Variants in ARHGEF7 observed in about 807,000 individuals in gnomAD.
ARHGEF7 encodes PAK-interacting exchange factor beta.
ARHGEF7 carries 33 observed loss-of-function variants against 109.8 expected under a neutral mutation model. The ratio of observed to expected loss-of-function variants is 0.30; its 90% CI spans 0.23 to 0.40. ARHGEF7 has a LOEUF of 0.40. Ranked by LOEUF, ARHGEF7 falls within the 10% of genes least tolerant of loss-of-function variation. The probability of loss-of-function intolerance (pLI) is 1.00; values close to 1 mark genes in which losing one functional copy is unlikely to be tolerated. For missense variants in ARHGEF7, 938 were observed against 1,098.5 expected (o/e 0.85, Z 2.07); for synonymous variants, 458 against 424.6 (o/e 1.08, Z -0.97).
At chr13:111,144,531 T>C (rs980747248) in intron 1 of ARHGEF7, 2 of 152,250 alleles carry the variant, frequency 1.3e-5, no homozygotes, top group Non-Finnish European at 2.9e-5. Context: ...GACTGTGGAA[T>C]GAGCCAGAGT....
chr13:111,196,187 T>G (rs1471436343), intron 2 of ARHGEF7, among the ~76,000 whole-genome samples: 1 of 152,196 alleles, frequency 6.6e-6, no homozygotes, highest in East Asian at 1.9e-4. Context: ...TAATGGGCTT[T>G]TTCCTAACTC....
chr13:111,236,098 A>G (rs562318657), intron 6 of ARHGEF7, among the ~76,000 whole-genome samples: 1 of 152,376 alleles, frequency 6.6e-6, no homozygotes. Flanking sequence ...ACTGGAAAGT[A>G]AAACTCGTAG....
chr13:111,195,462 A>G (rs1175229589), intron 2 of ARHGEF7, among the ~76,000 whole-genome samples: 1 of 152,220 alleles, frequency 6.6e-6, no homozygotes, highest in East Asian at 1.9e-4. Flanking sequence ...CTCGGATGGT[A>G]ACAGACCTTG....
intron 2 of ARHGEF7, among the ~76,000 whole-genome samples, chr13:111,193,849 C>T (rs2153450186): frequency 6.6e-6 from 1 of 152,310 alleles, no homozygotes; most frequent in Middle Eastern, 3.4e-3. Flanking sequence ...AATTTGTTGG[C>T]AGTCATGCTC....
At chr13:111,116,014 G>T (rs976619263) in intron 1 of ARHGEF7, among the ~76,000 whole-genome samples, 1 of 152,052 alleles carries the variant, frequency 6.6e-6, no homozygotes, top group Non-Finnish European at 1.5e-5. Flanking sequence ...TCCGCGTGGG[G>T]GGCCGGCCCC....
chr13:111,297,690 T>C (rs79513159), intron 19 of ARHGEF7, among the ~76,000 whole-genome samples: 3,661 of 152,352 alleles, frequency 0.024, 149 homozygotes, highest in African/African-American at 0.085. Context: ...AGGGGCGTCC[T>C]GGTTCTGGCT....
At chr13:111,203,714 CTTTA>C (rs1033553665) in intron 2 of ARHGEF7, among the ~76,000 whole-genome samples, 3 of 152,148 alleles carry the variant, frequency 2.0e-5, no homozygotes, top group African/African-American at 7.2e-5. Context: ...TCTGGTTCTT[CTTTA>C]TTTATGTTTA....
rs563158641 is a variant in ARHGEF7 at position 111,249,993 on chromosome 13, T to A, written c.950+5699T>A. Among the ~76,000 whole-genome samples, 55 of 152,340 alleles carry A rather than the reference T, an allele frequency of 3.6e-4. 1 individual carries two copies. The highest frequency in any genetic ancestry group is 1.3e-3 in the African/African-American group (52 of 41,584). ...GCTACTTTTGAGTGCCTCTAGGCAG[T>A]TACTTTCTATATGTTTTTTAAAGTT... On this transcript the variant is annotated intron_variant, in intron 8 of 21. Coordinates refer to ENST00000646102, the MANE Select transcript of ARHGEF7 (RefSeq NM_001354046.2).
At chr13:111,264,713 TTTTTACA>T (rs1350465670) in intron 8 of ARHGEF7, among the ~76,000 whole-genome samples, 6 of 152,234 alleles carry the variant, frequency 3.9e-5, no homozygotes, top group Non-Finnish European at 8.8e-5. Flanking sequence ...CGTTGGCCTT[TTTTTACA>T]CAGCACAGGG....
At chr13:111,158,012 G>A (rs1447076507) in intron 2 of ARHGEF7, among the ~76,000 whole-genome samples, 1 of 152,168 alleles carries the variant, frequency 6.6e-6, no homozygotes, top group Non-Finnish European at 1.5e-5. Flanking sequence ...TTCAAGAGCT[G>A]AAAGTTAAGG....
At chr13:111,302,611 C>T (rs997854702) in intron 21 of ARHGEF7, among the ~76,000 whole-genome samples, 3 of 152,218 alleles carry the variant, frequency 2.0e-5, no homozygotes, top group African/African-American at 7.2e-5. Flanking sequence ...GCTCCTGCAC[C>T]TGTCAGTGGC....
chr13:111,126,738 T>C (rs1216568802), intron 1 of ARHGEF7, among the ~76,000 whole-genome samples: 2 of 152,178 alleles, frequency 1.3e-5, no homozygotes, highest in South Asian at 2.1e-4. Context: ...CTATCTAGGG[T>C]TGGCTCTTCA....
intron 2 of ARHGEF7, among the ~76,000 whole-genome samples, chr13:111,195,294 C>T (rs9522153): frequency 0.3 from 45,604 of 152,026 alleles, 7,770 homozygotes; most frequent in Non-Finnish European, 0.39. Context: ...TCCCCATATT[C>T]GTGTAGATAA....
intron 2 of ARHGEF7, among the ~76,000 whole-genome samples, chr13:111,166,104 G>T (rs1453425661): frequency 1.3e-5 from 2 of 152,180 alleles, no homozygotes; most frequent in African/African-American, 4.8e-5. Flanking sequence ...CATTAGCCCA[G>T]GCTGTCCACA....
At chr13:111,295,986 A>T (rs539137831) in intron 19 of ARHGEF7, among the ~76,000 whole-genome samples, 1 of 152,230 alleles carries the variant, frequency 6.6e-6, no homozygotes, top group Non-Finnish European at 1.5e-5. Context: ...ACAAGCATGC[A>T]TGCACACCAC....
chr13:111,121,340 C>G (rs910531127), intron 1 of ARHGEF7, among the ~76,000 whole-genome samples: 2 of 152,214 alleles, frequency 1.3e-5, no homozygotes, highest in Non-Finnish European at 2.9e-5. Context: ...CTGGGCTTCC[C>G]TACTCTGTAG....
intron 13 of ARHGEF7, among the ~76,000 whole-genome samples, chr13:111,279,092 A>AG (rs1024927933): frequency 1.3e-5 from 2 of 152,194 alleles, no homozygotes; most frequent in Admixed American, 6.5e-5. Flanking sequence ...CGATGTTCAG[A>AG]GGGGCTAGGT....
intron 3 of ARHGEF7, among the ~76,000 whole-genome samples, chr13:111,209,561 G>T (rs145091362): frequency 9.1e-4 from 138 of 152,260 alleles, no homozygotes; most frequent in Non-Finnish European, 1.6e-3. Context: ...AATTTGAGAG[G>T]CTTTTTTTTC....
At chr13:111,137,443 G>A (rs769596542) in intron 1 of ARHGEF7, among the ~76,000 whole-genome samples, 16 of 152,238 alleles carry the variant, frequency 1.1e-4, no homozygotes, top group African/African-American at 2.4e-4. Flanking sequence ...TTTTCCGTGC[G>A]TGGCACAGGC....
Sources: allele counts gnomAD v4.1 joint callset (sites outside exome capture counted in the v4.1 genomes callset), GRCh38; gene constraint gnomAD v4.1.1; transcripts MANE v1.5; gene names NCBI Gene and HGNC (gene_info 2026-07-23, HGNC 2026-07-21).